Variants in GPD2 observed in about 807,000 individuals in gnomAD.
GPD2 encodes glycerol-3-phosphate dehydrogenase, mitochondrial.
In GPD2, 54 loss-of-function variants were observed where a neutral mutation model predicts 82.4. The observed-to-expected ratio is 0.66, with a 90% CI of 0.53 to 0.82. The LOEUF is 0.82. Ranked by LOEUF, GPD2 falls within the 40% of genes least tolerant of loss-of-function variation. The pLI, the probability that GPD2 is intolerant of heterozygous loss-of-function variation, is 0.00. For missense variants in GPD2, 748 were observed against 896.2 expected (o/e 0.83, Z 2.11); for synonymous variants, 288 against 306.1 (o/e 0.94, Z 0.62).
intron 6 of GPD2, among the ~76,000 whole-genome samples, chr2:156,526,824 G>A (rs1013746121): frequency 1.3e-5 from 2 of 152,068 alleles, no homozygotes; most frequent in Admixed American, 1.3e-4. Context: ...ATTGCAATAT[G>A]GGGAAATAAA....
At chr2:156,482,890 C>T (rs1194016073) in intron 2 of GPD2, among the ~76,000 whole-genome samples, 3 of 152,070 alleles carry the variant, frequency 2.0e-5, no homozygotes, top group Non-Finnish European at 4.4e-5. Context: ...TTAGTGTCAG[C>T]AAAACCCAGG....
chr2:156,540,767 A>G (rs1686277352), intron 6 of GPD2, among the ~76,000 whole-genome samples: 1 of 152,226 alleles, frequency 6.6e-6, no homozygotes, highest in South Asian at 2.1e-4. Flanking sequence ...ATCCTTCATG[A>G]CATACAGAAA....
intron 1 of GPD2, among the ~76,000 whole-genome samples, chr2:156,455,830 G>A (rs1682772290): frequency 6.6e-6 from 1 of 152,076 alleles, no homozygotes; most frequent in South Asian, 2.1e-4. Flanking sequence ...ATTCATCTTT[G>A]TTTACCCATG....
At chr2:156,485,632 T>A (rs1448294486) in intron 2 of GPD2, among the ~76,000 whole-genome samples, 1 of 152,208 alleles carries the variant, frequency 6.6e-6, no homozygotes, top group Non-Finnish European at 1.5e-5. Flanking sequence ...CTTATCATAA[T>A]GCACGTTTAT....
chr2:156,538,019 TG>T (rs1686146677), intron 6 of GPD2, among the ~76,000 whole-genome samples: 2 of 152,358 alleles, frequency 1.3e-5, no homozygotes, highest in South Asian at 4.1e-4. Context: ...TAGTGCTAGA[TG>T]TATGTGGTTG....
At position 156,557,431 on chromosome 2, in the gene GPD2, G is replaced by C. The variant is rs2105345881; in HGVS notation, c.1014G>C (p.Gly338=). The part of the protein sequence containing the change: ...MGLLDPATSD[G]RVIFFLPWQK... ...TTCTTGACCCAGCGACCAGTGATGG[G>C]CGAGTTATTTTCTTCTTACCCTGGC... The change falls in exon 9 of 17, where the codon GGG becomes GGC. Residue 338 remains glycine, a synonymous_variant. Transcript: ENST00000438166. 1 of 1,611,400 alleles carries C rather than the reference G, an allele frequency of 6.2e-7. No homozygotes were observed. Among genetic ancestry groups the C allele is most frequent in the Non-Finnish European group, 8.5e-7 (1 of 1,177,618 alleles).
chr2:156,577,508 C>T (rs1687867625), intron 13 of GPD2, among the ~76,000 whole-genome samples: 1 of 152,004 alleles, frequency 6.6e-6, no homozygotes. Flanking sequence ...AGTTTGTCTT[C>T]TCAAGAAAAA....
intron 7 of GPD2, among the ~76,000 whole-genome samples, chr2:156,550,187 C>T (rs192388086): frequency 7.9e-5 from 12 of 152,310 alleles, no homozygotes; most frequent in African/African-American, 2.2e-4. Context: ...CTGGCTCTAG[C>T]GCCATATAAG....
chr2:156,509,217 G>A (rs908819654), intron 3 of GPD2, among the ~76,000 whole-genome samples: 1 of 152,182 alleles, frequency 6.6e-6, no homozygotes, highest in Non-Finnish European at 1.5e-5. Flanking sequence ...GGCATTAACA[G>A]TTTTTGCCCT....
intron 1 of GPD2, among the ~76,000 whole-genome samples, chr2:156,475,709 G>A (rs1022217897): frequency 1.3e-5 from 2 of 152,190 alleles, no homozygotes; most frequent in Non-Finnish European, 2.9e-5. Flanking sequence ...ACTTCTTTCT[G>A]CTGGTTCTCC....
chr2:156,408,023 C>T, the GPD2 span, among the ~76,000 whole-genome samples: 4 of 139,582 alleles, frequency 2.9e-5, no homozygotes, highest in Admixed American at 7.8e-5. Flanking sequence ...GGTGCAATCA[C>T]GGCTCACTGT....
chr2:156,558,591 C>A (rs898504869), intron 9 of GPD2, among the ~76,000 whole-genome samples: 7 of 151,666 alleles, frequency 4.6e-5, no homozygotes, highest in Middle Eastern at 3.4e-3. Context: ...AAACATAAAG[C>A]TTTTTGTTTT....
chr2:156,433,864 C>T (rs116407151), upstream of GPD2, among the ~76,000 whole-genome samples: 1,182 of 152,270 alleles, frequency 7.8e-3, 5 homozygotes, highest in Non-Finnish European at 0.012. Context: ...AAGTGAGTAA[C>T]TGATGGTCCC....
intron 16 of GPD2, among the ~76,000 whole-genome samples, chr2:156,580,568 A>T (rs886630992): frequency 2.0e-5 from 3 of 152,166 alleles, no homozygotes; most frequent in African/African-American, 7.2e-5. Context: ...TTGGGCAGGT[A>T]TTTCAAATGA....
In GPD2 at chr2:156,578,753, C is replaced by G. The variant is rs1255992383; in HGVS notation, c.1768-136C>G. On this transcript the variant is annotated intron_variant, in intron 13 of 16. Transcript: ENST00000438166. ...CAATATAAATTATACTTCAATGAAACTGGAAGAAATAAAAAAATTGTGCTG... is the reference window on the plus strand; with the variant it reads ...CAATATAAATTATACTTCAATGAAAGTGGAAGAAATAAAAAAATTGTGCTG... 6.1e-6 allele frequency: 4 copies of G among 652,214 alleles called. No homozygotes were observed. In the East Asian group the frequency reaches 1.1e-4, roughly 18 times the overall value. 40.4% of individuals were successfully genotyped at this position (652,214 alleles called of 1,614,324 possible).
chr2:156,451,204 C>G (rs866011010), intron 1 of GPD2, among the ~76,000 whole-genome samples: 6 of 152,068 alleles, frequency 3.9e-5, no homozygotes, highest in Admixed American at 3.3e-4. Context: ...GGGTGGTGGC[C>G]GGGCAGAGGG....
At chr2:156,488,941 A>C (rs1178883077) in intron 2 of GPD2, among the ~76,000 whole-genome samples, 1 of 152,222 alleles carries the variant, frequency 6.6e-6, no homozygotes, top group African/African-American at 2.4e-5. Flanking sequence ...CAATTCCACC[A>C]AGATAAAAAT....
At chr2:156,495,291 A>C (rs1044874530) in intron 2 of GPD2, among the ~76,000 whole-genome samples, 3 of 152,178 alleles carry the variant, frequency 2.0e-5, no homozygotes, top group Non-Finnish European at 4.4e-5. Context: ...ATGAGGTTGC[A>C]GTAAGCTGTG....
At chr2:156,557,650 G>A in intron 9 of GPD2, 68 bp downstream of exon 9, 1 of 886,746 alleles carries the variant, frequency 1.1e-6, no homozygotes, top group Non-Finnish European at 1.9e-6. Flanking sequence ...AGCTCTCACT[G>A]GATAAATGCT....
Sources: allele counts gnomAD v4.1 joint callset (sites outside exome capture counted in the v4.1 genomes callset), GRCh38; gene constraint gnomAD v4.1.1; transcripts MANE v1.5; gene names NCBI Gene and HGNC (gene_info 2026-07-23, HGNC 2026-07-21).